Variants in PIK3CG observed in about 807,000 individuals in gnomAD.
PIK3CG encodes the protein phosphatidylinositol 4,5-bisphosphate 3-kinase catalytic subunit gamma isoform.
PIK3CG carries 55 observed loss-of-function variants against 102.3 expected under a neutral mutation model. The observed-to-expected ratio is 0.54, with a 90% CI of 0.43 to 0.67. The LOEUF (loss-of-function observed/expected upper bound fraction) is 0.67, where lower values mean the gene tolerates loss of function less well. Ranked by LOEUF, PIK3CG falls within the 30% of genes least tolerant of loss-of-function variation. PIK3CG has a pLI of 0.00. For synonymous variants in PIK3CG, 552 were observed against 540.0 expected, an observed-to-expected ratio of 1.02 and a Z score of -0.31; for missense variants, 1,258 against 1,391.8, an observed-to-expected ratio of 0.90 and a Z score of 1.53.
At chr7:106,904,097 T>C (rs2116614332) in intron 10 of PIK3CG, among the ~76,000 whole-genome samples, 1 of 152,202 alleles carries the variant, frequency 6.6e-6, no homozygotes, top group African/African-American at 2.4e-5. Flanking sequence ...CTTTTTCTGG[T>C]ATTTCATTAT....
chr7:106,877,639 G>A lies in PIK3CG; in HGVS notation c.2392-1880G>A, dbSNP rs1367150966. On this transcript the variant is annotated intron_variant, in intron 5 of 10. Coordinates refer to ENST00000496166, the MANE Select transcript of PIK3CG (RefSeq NM_001282426.2). This position sits in a 1 kb window ranked among gnomAD's most constrained non-coding sequence, Gnocchi z 4.5. ...GTTTTGTTTTGTTTTGTTTTGTTTT[G>A]TTTTTCCTGGAGAACTACCTTGGCA... Among the ~76,000 whole-genome samples the A allele has an allele frequency of 2.6e-5, 4 of 152,042 alleles. No homozygotes were observed. The highest frequency in any genetic ancestry group is 9.7e-5 in the African/African-American group (4 of 41,410).
chr7:106,870,140 T>C (rs1233709227), intron 2 of PIK3CG, among the ~76,000 whole-genome samples: 3 of 152,216 alleles, frequency 2.0e-5, no homozygotes, highest in Non-Finnish European at 4.4e-5. Context: ...GTCAGGATTC[T>C]GGGGCTAGAG....
At position 106,899,929 on chromosome 7, in the gene PIK3CG, T is replaced by G. The variant is rs1392517221; in HGVS notation, c.3031-5180T>G. On this transcript the variant is annotated intron_variant, in intron 10 of 10. Coordinates refer to ENST00000496166, the MANE Select transcript of PIK3CG (RefSeq NM_001282426.2). This position sits in a 1 kb window ranked among gnomAD's most constrained non-coding sequence, Gnocchi z 4.6. The stretch of plus-strand genomic sequence containing the variant: ...TTTAGAATAGCTTATATAGGAAGGG[T>G]ACCAGCTCTTCTTTGTACATCTGGT... 6.6e-6 allele frequency among the ~76,000 whole-genome samples: 1 copy of G among 152,170 alleles called. No homozygotes were observed. The highest frequency in any genetic ancestry group is 1.5e-5 in the Non-Finnish European group (1 of 68,022).
intron 10 of PIK3CG, among the ~76,000 whole-genome samples, chr7:106,896,862 G>C (rs1160943859): frequency 6.6e-6 from 1 of 152,060 alleles, no homozygotes; most frequent in Non-Finnish European, 1.5e-5. Context: ...TGTGTACCCT[G>C]CCCAGCCTTG....
Position 106,879,685 on chromosome 7 carries a change from GTT to G in PIK3CG, c.2538+23_2538+24del. The stretch of plus-strand genomic sequence containing the variant: ...TTACAGGTATGCTAATTTTAAGATT[GTT>G]TTCAATTATCTGAAAACAATTCTAT... On this transcript the variant is annotated intron_variant, in intron 6 of 10. Transcript: ENST00000496166. The surrounding 1 kb of genome is among the most constrained non-coding windows in gnomAD (Gnocchi z 4.9). 6.3e-7 allele frequency: 1 copy of G among 1,589,498 alleles called. No individual in the cohort carries two copies. Among genetic ancestry groups the G allele is most frequent in the Non-Finnish European group, 8.6e-7 (1 of 1,161,458 alleles).
intron 10 of PIK3CG, among the ~76,000 whole-genome samples, chr7:106,888,508 C>T (rs1277593444): frequency 1.3e-5 from 2 of 152,194 alleles, no homozygotes; most frequent in African/African-American, 4.8e-5. Flanking sequence ...AGCAACAAAC[C>T]TTTGCGGTGA....
intron 2 of PIK3CG, among the ~76,000 whole-genome samples, chr7:106,871,359 A>G (rs1468510745): frequency 6.6e-6 from 1 of 152,254 alleles, no homozygotes. Flanking sequence ...ATGCAGCTAC[A>G]GTGGCACCTA....
rs849410 is a variant in PIK3CG, at chr7:106,905,859, T to G, written c.*472T>G. 0.052 allele frequency: 12,539 copies of G among 242,170 alleles called. 448 individuals carry two copies. Among genetic ancestry groups the G allele is most frequent in the Middle Eastern group, 0.11 (89 of 802 alleles). 15.0% of individuals were successfully genotyped at this position (242,170 alleles called of 1,614,324 possible). A position where few individuals can be genotyped will look rare whatever the true frequency, so the allele number is the denominator to read the frequency against. ...TCCTTAAATGATGCTTCCAAACATC[T>G]CCTTAGTGTCTGCAGGTGTTAGTGG... On this transcript the variant is annotated 3_prime_UTR_variant, in exon 11 of 11. Transcript: ENST00000496166. The surrounding 1 kb of genome is among the most constrained non-coding windows in gnomAD (Gnocchi z 5.6).
chr7:106,888,513 C>T (rs915117530), intron 10 of PIK3CG, among the ~76,000 whole-genome samples: 3 of 152,194 alleles, frequency 2.0e-5, no homozygotes, highest in African/African-American at 4.8e-5. Flanking sequence ...CAAACCTTTG[C>T]GGTGAGGCTT....
chr7:106,886,259 A>G lies in PIK3CG; in HGVS notation c.2997A>G (p.Gly999=). The change falls in exon 10 of 11, where the codon GGA becomes GGG. Residue 999 remains glycine, a synonymous_variant. Coordinates refer to ENST00000496166, the MANE Select transcript of PIK3CG (RefSeq NM_001282426.2). The part of the protein sequence containing the change: ...PDFLFVMGTS[G]KKTSPHFQKF... ...TCCTCTTTGTGATGGGAACTTCTGG[A>G]AAGAAGACAAGCCCACACTTCCAGA... 6.2e-7 allele frequency: 1 copy of G among 1,614,170 alleles called. No homozygotes were observed.
In PIK3CG at chr7:106,903,558, T is replaced by C. The variant is rs1175804296; in HGVS notation, c.3031-1551T>C. Among the ~76,000 whole-genome samples, 4 of 151,866 alleles carry C rather than the reference T, an allele frequency of 2.6e-5. No homozygotes were observed. Among genetic ancestry groups the C allele is most frequent in the Non-Finnish European group, 5.9e-5 (4 of 67,962 alleles). On this transcript the variant is annotated intron_variant, in intron 10 of 10. Transcript: ENST00000496166. This position sits in a 1 kb window ranked among gnomAD's most constrained non-coding sequence, Gnocchi z 4.3. ...ATCCTAGGAATCATGTTATTGTTGTTACCATTGATTTTAGCATCTGTTTTT... is the reference window on the plus strand; with the variant it reads ...ATCCTAGGAATCATGTTATTGTTGTCACCATTGATTTTAGCATCTGTTTTT...
rs1790673809 is a variant in PIK3CG at position 106,874,866 on chromosome 7, T to A, written c.2391+63T>A. 1 of 1,045,292 alleles carries A rather than the reference T, an allele frequency of 9.6e-7. No individual in the cohort carries two copies. The highest frequency in any genetic ancestry group is 1.9e-5 in the Admixed American group (1 of 52,054). 64.8% of individuals were successfully genotyped at this position (1,045,292 alleles called of 1,614,324 possible). The stretch of plus-strand genomic sequence containing the variant: ...TCTTGAAGATGTCTAACGTGCTTGC[T>A]GGGGCCCAGTACTTAAAAGCTAATG... On this transcript the variant is annotated intron_variant, in intron 5 of 10. Transcript: ENST00000496166. This position sits in a 1 kb window ranked among gnomAD's most constrained non-coding sequence, Gnocchi z 4.3.
intron 10 of PIK3CG, among the ~76,000 whole-genome samples, chr7:106,887,423 G>GAA (rs1791131785): frequency 6.6e-6 from 1 of 152,090 alleles, no homozygotes; most frequent in Admixed American, 6.5e-5. Flanking sequence ...TTGAGTCCAA[G>GAA]GTTACCCTTG....
In PIK3CG at chr7:106,879,162, C is replaced by T. The variant is rs1195457923; in HGVS notation, c.2392-357C>T. Among the ~76,000 whole-genome samples, 1 of 152,054 alleles carries T rather than the reference C, an allele frequency of 6.6e-6. No homozygotes were observed. The highest frequency in any genetic ancestry group is 1.5e-5 in the Non-Finnish European group (1 of 68,014). ...TTTTTTCAAATTAAATCTCAGAAGG[C>T]GGACAAATATAATAGCCAGGTTGCT... is the stretch of plus-strand genomic sequence containing the variant. On this transcript the variant is annotated intron_variant, in intron 5 of 10. Transcript: ENST00000496166. This position sits in a 1 kb window ranked among gnomAD's most constrained non-coding sequence, Gnocchi z 4.9.
In PIK3CG at chr7:106,868,137, C is replaced by T. The variant is rs377396894; in HGVS notation, c.576C>T (p.Asp192=). Residue 192 remains aspartate (D), a synonymous_variant, in exon 2 of 11, where the codon GAC becomes GAT. Transcript: ENST00000496166. This position sits in a 1 kb window ranked among gnomAD's most constrained non-coding sequence, Gnocchi z 6.2. ...TPRMAEVASR[D]PKLYAMHPWV... The stretch of plus-strand genomic sequence containing the variant: ...GCATGGCGGAGGTGGCCAGCCGCGA[C>T]CCCAAGCTCTACGCCATGCACCCGT... 5.0e-6 allele frequency: 8 copies of T among 1,613,058 alleles called. No homozygotes were observed. Among genetic ancestry groups the T allele is most frequent in the East Asian group, 2.2e-5 (1 of 44,834 alleles).
chr7:106,892,714 T>C lies in PIK3CG; in HGVS notation c.3030+6422T>C, dbSNP rs1333049791. 2.6e-5 allele frequency among the ~76,000 whole-genome samples: 4 copies of C among 152,076 alleles called. No individual in the cohort carries two copies. The highest frequency in any genetic ancestry group is 5.9e-5 in the Non-Finnish European group (4 of 68,002). ...TACCTTGTGCTAAGAGTGTCCACAG[T>C]GGTTTGCAGAGGGAGCAATTAATCC... On this transcript the variant is annotated intron_variant, in intron 10 of 10. Transcript: ENST00000496166. This position sits in a 1 kb window ranked among gnomAD's most constrained non-coding sequence, Gnocchi z 5.2.
Sources: allele counts gnomAD v4.1 joint callset (sites outside exome capture counted in the v4.1 genomes callset), GRCh38; gene constraint gnomAD v4.1.1; non-coding constraint Gnocchi (gnomAD v3.1); transcripts MANE v1.5; gene names NCBI Gene and HGNC (gene_info 2026-07-23, HGNC 2026-07-21).